PGLYRP2: variants seen among roughly 807,000 people sequenced by gnomAD.
PGLYRP2 encodes N-acetylmuramoyl-L-alanine amidase.
A neutral mutation model predicts 46.2 loss-of-function variants in PGLYRP2; 38 were observed. That is an observed-to-expected ratio of 0.82 (90% confidence interval 0.64 to 1.08). PGLYRP2 has a LOEUF of 1.08. PGLYRP2 is among the 50% of genes least tolerant of loss of function. PGLYRP2 has a pLI of 0.00. For synonymous variants in PGLYRP2, 289 were observed against 329.4 expected, an observed-to-expected ratio of 0.88 and a Z score of 1.33; for missense variants, 713 against 755.9, an observed-to-expected ratio of 0.94 and a Z score of 0.67.
In PGLYRP2 at chr19:15,469,129, A is replaced by G; in HGVS notation, c.1642-377T>C. ...GGACAGAGAATTGCAACACAGGATT[A>G]AGGACTGGACAGAGGTTGTGAAGGC... On this transcript the variant is annotated intron_variant, in intron 4 of 4. Coordinates refer to ENST00000340880, the MANE Select transcript of PGLYRP2 (RefSeq NM_052890.4). The surrounding 1 kb of genome is among the most constrained non-coding windows in gnomAD (Gnocchi z 4.9). 1.8e-6 allele frequency: 1 copy of G among 555,222 alleles called. No homozygotes were observed. Among genetic ancestry groups the G allele is most frequent in the South Asian group, 2.5e-5 (1 of 40,440 alleles). The allele number at this position is 555,222 out of a possible 1,614,324, so 34.4% of individuals were successfully genotyped here. A position where few individuals can be genotyped will look rare whatever the true frequency, so the allele number is the denominator to read the frequency against.
Position 15,476,189 on chromosome 19 carries a change from T to C in PGLYRP2, c.481A>G (p.Ile161Val). Residue 161 changes from isoleucine to valine, a missense_variant, in exon 2 of 5, where the codon ATT (isoleucine) becomes GTT (valine). Physicochemically the swap from Ile to Val is conservative, Grantham distance 29 (BLOSUM62 3). Coordinates refer to ENST00000340880, the MANE Select transcript of PGLYRP2 (RefSeq NM_052890.4). The part of the protein sequence containing the change: ...TGDTFPDVVA[I>V]APDVRATSSP... Reference sequence around the variant, plus strand: ...GAGGTGGCTCTTACATCTGGAGCAATGGCCACAACATCTGGAAAGGTATCT... The same window carrying C: ...GAGGTGGCTCTTACATCTGGAGCAACGGCCACAACATCTGGAAAGGTATCT... The C allele has an allele frequency of 6.2e-7, 1 of 1,614,134 alleles. No individual in the cohort carries two copies. The highest frequency in any genetic ancestry group is 8.5e-7 in the Non-Finnish European group (1 of 1,180,024).
chr19:15,474,610 A>G (rs1041907847), intron 2 of PGLYRP2, among the ~76,000 whole-genome samples: 26 of 152,134 alleles, frequency 1.7e-4, no homozygotes, highest in African/African-American at 6.0e-4. Flanking sequence ...GACGAAGGTC[A>G]GGCCCAGGTT....
chr19:15,471,114 T>G (rs1211328782), intron 3 of PGLYRP2, among the ~76,000 whole-genome samples: 1 of 133,584 alleles, frequency 7.5e-6, no homozygotes, highest in Admixed American at 7.4e-5. Flanking sequence ...TTTTTTTTTT[T>G]TTTTTTTTTT....
Position 15,471,961 on chromosome 19 carries a change from G to A in PGLYRP2, c.1272C>T (p.Arg424=), listed in dbSNP as rs745316181. Residue 424 remains arginine (R), a synonymous_variant, in exon 3 of 5, where the codon CGC becomes CGT. Transcript: ENST00000340880. ...VPAPPCTDFT[R]CAANMRSMQR... ...GCATGGAGCGCATGTTGGCTGCGCA[G>A]CGCGTGAAGTCCGTGCAGGGTGGTG... The A allele has an allele frequency of 6.2e-7, 1 of 1,613,968 alleles. No homozygotes were observed. The highest frequency in any genetic ancestry group is 2.2e-5 in the East Asian group (1 of 44,888).
At position 15,475,566 on chromosome 19, in the gene PGLYRP2, A is replaced by G; in HGVS notation, c.1104T>C (p.Ala368=). The G allele has an allele frequency of 6.2e-7, 1 of 1,608,328 alleles. No homozygotes were observed. Among genetic ancestry groups the G allele is most frequent in the East Asian group, 2.2e-5 (1 of 44,792 alleles). ...QEQLAQVAAN[A]TKEFTEAFLG... is the part of the protein sequence containing the mutation. ...GGAAGGCCTCAGTGAATTCCTTGGTAGCATTGGCAGCCACCTGGGCCAGCT... is the reference window on the plus strand; with the variant it reads ...GGAAGGCCTCAGTGAATTCCTTGGTGGCATTGGCAGCCACCTGGGCCAGCT... Residue 368 remains alanine, a synonymous_variant, in exon 2 of 5, where the codon GCT becomes GCC. Transcript: ENST00000340880.
chr19:15,473,861 A>G (rs896054426), intron 2 of PGLYRP2, among the ~76,000 whole-genome samples: 1 of 141,816 alleles, frequency 7.1e-6, no homozygotes, highest in Non-Finnish European at 1.5e-5. Flanking sequence ...AGAAAGAAAA[A>G]GAAAGAAAGA....
Position 15,469,500 on chromosome 19 carries a change from G to A in PGLYRP2, c.1641+132C>T, listed in dbSNP as rs975928714. 2.4e-6 allele frequency: 3 copies of A among 1,273,516 alleles called. No individual in the cohort carries two copies. Among genetic ancestry groups the A allele is most frequent in the East Asian group, 2.5e-5 (1 of 39,700 alleles). The allele number at this position is 1,273,516 out of a possible 1,614,324, so 78.9% of individuals were successfully genotyped here. On this transcript the variant is annotated intron_variant, in intron 4 of 4. Coordinates refer to ENST00000340880, the MANE Select transcript of PGLYRP2 (RefSeq NM_052890.4). This position sits in a 1 kb window ranked among gnomAD's most constrained non-coding sequence, Gnocchi z 4.9. ...CTGGGCCTAGGTTTCCTGAATAGAC[G>A]TGCCGCCGGGAAGTTGGGGGCCTGG... is the stretch of plus-strand genomic sequence containing the variant.
At chr19:15,468,983 T>C (rs1312917386) in intron 4 of PGLYRP2, 2 of 502,512 alleles carry the variant, frequency 4.0e-6, no homozygotes, top group African/African-American at 3.9e-5. Context: ...AAAATTGTTT[T>C]AGTGATGGCG....
Position 15,475,934 on chromosome 19 carries a change from C to G in PGLYRP2, c.736G>C (p.Glu246Gln). 6.2e-7 allele frequency: 1 copy of G among 1,614,180 alleles called. No individual in the cohort carries two copies. Among genetic ancestry groups the G allele is most frequent in the Non-Finnish European group, 8.5e-7 (1 of 1,180,042 alleles). ...QTQSHPDLGTEGCWDQLSAPR... is the reference protein window; with the variant it reads ...QTQSHPDLGTQGCWDQLSAPR... ...GCAGAGAGCTGGTCCCAGCAGCCCT[C>G]AGTTCCCAGGTCTGGATGGCTCTGG... is the stretch of plus-strand genomic sequence containing the variant. Residue 246 changes from glutamate to glutamine, a missense_variant, in exon 2 of 5, where the codon GAG becomes CAG. Transcript: ENST00000340880.
In PGLYRP2 at chr19:15,471,936, G is replaced by T; in HGVS notation, c.1297C>A (p.Gln433Lys). ...CCTTGCGTGTCCTGGTGGTAGCGCTGCATGGAGCGCATGTTGGCTGCGCAG... is the reference window on the plus strand; with the variant it reads ...CCTTGCGTGTCCTGGTGGTAGCGCTTCATGGAGCGCATGTTGGCTGCGCAG... ...TRCAANMRSM[Q>K]RYHQDTQGWG... Residue 433 changes from glutamine (Q) to lysine (K), a missense_variant, in exon 3 of 5, where the codon CAG (glutamine) becomes AAG (lysine). Transcript: ENST00000340880. 1 of 1,614,104 alleles carries T rather than the reference G, an allele frequency of 6.2e-7. No homozygotes were observed. Among genetic ancestry groups the T allele is most frequent in the Non-Finnish European group, 8.5e-7 (1 of 1,179,974 alleles).
intron 1 of PGLYRP2, among the ~76,000 whole-genome samples, chr19:15,477,353 A>G (rs2145520880): frequency 7.1e-6 from 1 of 141,724 alleles, no homozygotes; most frequent in Admixed American, 7.6e-5. Flanking sequence ...AGATTGCGCC[A>G]CTGCACTCCA....
Position 15,476,256 on chromosome 19 carries a change from T to G in PGLYRP2, c.414A>C (p.Ile138=), listed in dbSNP as rs35927052. The change falls in exon 2 of 5, where the codon ATA becomes ATC. Residue 138 remains isoleucine, a synonymous_variant. Coordinates refer to ENST00000340880, the MANE Select transcript of PGLYRP2 (RefSeq NM_052890.4). ...LEAGLQGRRV[I]NLPLDSMAAP... is the part of the protein sequence containing the mutation. ...CAGCCATGCTGTCCAAGGGCAAATT[T>G]ATGACCCTGCGCCCTTGCAGCCCTG... 5 of 1,614,098 alleles carry G rather than the reference T, an allele frequency of 3.1e-6. No homozygotes were observed. The highest frequency in any genetic ancestry group is 4.2e-6 in the Non-Finnish European group (5 of 1,180,006).
chr19:15,470,049 C>A lies in PGLYRP2; in HGVS notation c.1344-120G>T. On this transcript the variant is annotated intron_variant, in intron 3 of 4. Transcript: ENST00000340880. ...CCACCGACCCCAAGACCCGCGCGGT[C>A]GCGCTGCCTGTGTCCCATCCAGCTC... The A allele has an allele frequency of 2.8e-6, 3 of 1,088,628 alleles. No homozygotes were observed. The South Asian group carries it at 7.9e-5, about 29-fold the overall frequency. 67.4% of individuals were successfully genotyped at this position (1,088,628 alleles called of 1,614,324 possible).
In PGLYRP2 at chr19:15,471,754, TCTAC is replaced by T. The variant is rs1229573027; in HGVS notation, c.1343+132_1343+135del. ...AGCCACGCCACCTCTCCAACTTTGC[TCTAC>T]CTATCAGGACTCCTCCTTGGTCTTG... On this transcript the variant is annotated intron_variant, in intron 3 of 4. Transcript: ENST00000340880. The T allele has an allele frequency of 7.9e-6, 8 of 1,006,808 alleles. No individual in the cohort carries two copies. In the African/African-American group the frequency reaches 9.8e-5, roughly 12 times the overall value. 62.4% of individuals were successfully genotyped at this position (1,006,808 alleles called of 1,614,324 possible).
intron 3 of PGLYRP2, among the ~76,000 whole-genome samples, chr19:15,471,043 G>T (rs1037690099): frequency 1.1e-4 from 16 of 149,772 alleles, no homozygotes; most frequent in Non-Finnish European, 1.5e-5. Flanking sequence ...GGGCTCCAGC[G>T]ATCCTCCCAC....
intron 1 of PGLYRP2, among the ~76,000 whole-genome samples, chr19:15,477,298 C>A (rs1263304177): frequency 6.7e-6 from 1 of 148,588 alleles, no homozygotes; most frequent in Admixed American, 6.9e-5. Flanking sequence ...GAGGCTGAGA[C>A]GGGAGAATCA....
intron 2 of PGLYRP2, among the ~76,000 whole-genome samples, chr19:15,472,948 A>C (rs938364907): frequency 2.0e-5 from 3 of 152,208 alleles, no homozygotes; most frequent in African/African-American, 4.8e-5. Context: ...TATAGTAACC[A>C]AAACAGCATG....
intron 1 of PGLYRP2, among the ~76,000 whole-genome samples, chr19:15,477,621 C>T (rs1218185572): frequency 7.0e-6 from 1 of 143,480 alleles, no homozygotes; most frequent in African/African-American, 2.6e-5. Flanking sequence ...CTGCTTGAAC[C>T]CAGGAGGTGG....
intron 2 of PGLYRP2, among the ~76,000 whole-genome samples, chr19:15,474,511 A>G (rs1388379638): frequency 6.6e-6 from 1 of 152,216 alleles, no homozygotes; most frequent in East Asian, 1.9e-4. Context: ...AAGGTAAGAA[A>G]TTAACTTAAC....
Sources: allele counts gnomAD v4.1 joint callset (sites outside exome capture counted in the v4.1 genomes callset), GRCh38; gene constraint gnomAD v4.1.1; non-coding constraint Gnocchi (gnomAD v3.1); transcripts MANE v1.5; gene names NCBI Gene and HGNC (gene_info 2026-07-23, HGNC 2026-07-21).